Variants in NFATC1 observed in about 807,000 individuals in gnomAD.
NFATC1 encodes nuclear factor of activated T-cells, cytoplasmic 1.
Under a neutral mutation model 76.0 loss-of-function variants are expected in NFATC1, and 22 were observed. That is an observed-to-expected ratio of 0.29 (90% CI 0.21 to 0.41). The LOEUF is 0.41. Among genes scored for constraint, NFATC1 ranks in the 10% least tolerant of loss-of-function variants. The probability of loss-of-function intolerance (pLI) is 1.00; values close to 1 mark genes in which losing one functional copy is unlikely to be tolerated. For synonymous variants in NFATC1, 704 were observed against 613.1 expected (o/e 1.15, Z -2.19); for missense variants, 1,357 against 1,337.7 (o/e 1.01, Z -0.23).
At chr18:79,397,252 G>T (rs1437005845) in intron 1 of NFATC1, among the ~76,000 whole-genome samples, 1 of 152,256 alleles carries the variant, frequency 6.6e-6, no homozygotes, top group Non-Finnish European at 1.5e-5. Flanking sequence ...AATGCTAATG[G>T]AAATTGGAAG....
intron 4 of NFATC1, 72 bp from the exon 5 acceptor site, chr18:79,450,882 T>C (rs1600750775): frequency 1.3e-6 from 2 of 1,544,702 alleles, no homozygotes; most frequent in African/African-American, 1.4e-5. Flanking sequence ...GGCCAGAGGG[T>C]CTGGGGGGCC....
intron 6 of NFATC1, among the ~76,000 whole-genome samples, chr18:79,453,121 C>T (rs1007911169): frequency 1.3e-5 from 2 of 152,230 alleles, no homozygotes; most frequent in Admixed American, 1.3e-4. Context: ...CGGGAGGAGG[C>T]TAATTTTGAA....
At chr18:79,401,260 C>T (rs1169216549) in intron 1 of NFATC1, among the ~76,000 whole-genome samples, 1 of 151,934 alleles carries the variant, frequency 6.6e-6, no homozygotes, top group Admixed American at 6.6e-5. Context: ...TGTCTGCCCT[C>T]CCCGCGCGGA....
At chr18:79,485,478 C>CA (rs1382186902) in intron 8 of NFATC1, among the ~76,000 whole-genome samples, 1 of 152,254 alleles carries the variant, frequency 6.6e-6, no homozygotes, top group East Asian at 1.9e-4. Flanking sequence ...CCAACACCCC[C>CA]ACAGAAGCCG....
intron 9 of NFATC1, chr18:79,515,806 A>G (rs1480334794): frequency 6.6e-6 from 1 of 152,008 alleles, no homozygotes; most frequent in Non-Finnish European, 1.5e-5. Context: ...AGGAGCTTTA[A>G]CATTTTTATT....
At chr18:79,499,111 T>C (rs2089960379) in intron 9 of NFATC1, among the ~76,000 whole-genome samples, 1 of 152,230 alleles carries the variant, frequency 6.6e-6, no homozygotes, top group African/African-American at 2.4e-5. Flanking sequence ...TTTTCTTCTC[T>C]GAACTGATGT....
intron 3 of NFATC1, among the ~76,000 whole-genome samples, chr18:79,447,915 C>T (rs746474320): frequency 7.2e-5 from 11 of 152,380 alleles, no homozygotes; most frequent in East Asian, 1.9e-4. Context: ...CCTCTCAAGA[C>T]GCTGATGAGC....
At chr18:79,399,209 AG>A (rs1336654370) in intron 1 of NFATC1, among the ~76,000 whole-genome samples, 10 of 152,278 alleles carry the variant, frequency 6.6e-5, no homozygotes, top group Non-Finnish European at 1.0e-4. Context: ...CAAAGTCAGA[AG>A]TATTATTAGA....
At chr18:79,414,205 C>T (rs898169410) in intron 2 of NFATC1, among the ~76,000 whole-genome samples, 4 of 152,172 alleles carry the variant, frequency 2.6e-5, no homozygotes, top group African/African-American at 9.7e-5. Flanking sequence ...CTCCGTCGGT[C>T]ACATGCAGCA....
chr18:79,477,782 G>A (rs1196912049), intron 8 of NFATC1, among the ~76,000 whole-genome samples: 3 of 152,188 alleles, frequency 2.0e-5, no homozygotes, highest in Non-Finnish European at 1.5e-5. Context: ...GGACTGGTAC[G>A]GTCGGGTTCT....
intron 7 of NFATC1, among the ~76,000 whole-genome samples, chr18:79,463,287 C>T (rs943019705): frequency 6.6e-6 from 1 of 152,190 alleles, no homozygotes; most frequent in Non-Finnish European, 1.5e-5. Flanking sequence ...AGCTGGAGGC[C>T]CCAGGGCAGG....
At chr18:79,477,513 G>A (rs552649510) in intron 8 of NFATC1, among the ~76,000 whole-genome samples, 5 of 152,308 alleles carry the variant, frequency 3.3e-5, no homozygotes, top group Non-Finnish European at 7.3e-5. Flanking sequence ...GGGGTCCGGG[G>A]CACTGTCTCA....
At chr18:79,463,036 GTCAGAAAGCAGCGTCTTCCACCC>G (rs2088204941) in intron 7 of NFATC1, among the ~76,000 whole-genome samples, 1 of 152,242 alleles carries the variant, frequency 6.6e-6, no homozygotes, top group Non-Finnish European at 1.5e-5. Context: ...AGGTGGCTCT[GTCAGAAAGCAGCGTCTTCCACCC>G]TGCGACTTCA....
intron 6 of NFATC1, chr18:79,452,088 G>A: frequency 3.0e-6 from 1 of 334,100 alleles, no homozygotes; most frequent in East Asian, 5.6e-5. Flanking sequence ...TACTCAGGGA[G>A]CCCACGGGCT....
In NFATC1 at chr18:79,451,737, C is replaced by A; in HGVS notation, c.1824C>A (p.Val608=). The A allele has an allele frequency of 1.2e-6, 2 of 1,613,044 alleles. No homozygotes were observed. The highest frequency in any genetic ancestry group is 1.1e-5 in the South Asian group (1 of 90,766). Residue 608 remains valine, a synonymous_variant, in exon 6 of 10, where the codon GTC becomes GTA. Coordinates refer to ENST00000427363, the MANE Select transcript of NFATC1 (RefSeq NM_001278669.2). ...VEKQSTDSYP[V]VGGKKMVLSG... is the part of the protein sequence containing the mutation. ...AGCAGAGCACGGACAGCTATCCGGTCGTGGGCGGGAAGAAGATGGTCCTGT... is the reference window on the plus strand; with the variant it reads ...AGCAGAGCACGGACAGCTATCCGGTAGTGGGCGGGAAGAAGATGGTCCTGT...
intron 1 of NFATC1, among the ~76,000 whole-genome samples, chr18:79,401,354 C>T (rs1049564099): frequency 6.6e-6 from 1 of 152,132 alleles, no homozygotes; most frequent in Non-Finnish European, 1.5e-5. Flanking sequence ...TCACTACTCT[C>T]TTTTAAAAAC....
chr18:79,494,950 C>T lies in NFATC1; in HGVS notation c.2782+8013C>T, dbSNP rs917753614. ...GCACACGCCCCCCATCAACCTGGTA[C>T]GGCCGGGGGAAGGCGAGAGCGGGCA... is the stretch of plus-strand genomic sequence containing the variant. On this transcript the variant is annotated intron_variant, in intron 9 of 9. Transcript: ENST00000427363. 2.8e-3 allele frequency among the ~76,000 whole-genome samples: 416 copies of T among 146,088 alleles called. 3 individuals are homozygous for T. The highest frequency in any genetic ancestry group is 6.9e-3 in the Middle Eastern group (2 of 288).
intron 2 of NFATC1, among the ~76,000 whole-genome samples, chr18:79,427,234 G>C (rs1272990222): frequency 6.6e-6 from 1 of 152,212 alleles, no homozygotes; most frequent in East Asian, 1.9e-4. Context: ...CATTGTCTGT[G>C]AAATCACAAG....
At chr18:79,471,165 G>A (rs751940675) in intron 8 of NFATC1, among the ~76,000 whole-genome samples, 2 of 152,206 alleles carry the variant, frequency 1.3e-5, no homozygotes, top group African/African-American at 2.4e-5. Context: ...CCCGGAAGGC[G>A]CGTTAGGAGG....
Sources: gnomAD v4.1 joint callset for allele counts (sites outside exome capture counted in the v4.1 genomes callset) on GRCh38, gnomAD v4.1.1 for gene constraint, MANE v1.5 for transcripts, NCBI Gene and HGNC (gene_info 2026-07-23, HGNC 2026-07-21) for gene names.